The following TNFRSF10B variants were observed in gnomAD, a reference collection of about 807,000 sequenced individuals.
TNFRSF10B encodes tumor necrosis factor receptor superfamily member 10B.
In TNFRSF10B, 35 loss-of-function variants were observed where a neutral mutation model predicts 41.4. That is an observed-to-expected ratio of 0.85 (90% CI 0.65 to 1.12). The LOEUF (loss-of-function observed/expected upper bound fraction) is 1.12, where lower values mean the gene tolerates loss of function less well. Among genes scored for constraint, TNFRSF10B ranks in the 50% most tolerant of loss-of-function variants. The pLI is 0.00. For synonymous variants in TNFRSF10B, 230 were observed against 215.5 expected, an observed-to-expected ratio of 1.07 and a Z score of -0.59; for missense variants, 584 against 552.7, an observed-to-expected ratio of 1.06 and a Z score of -0.57.
At chr8:23,060,555 T>G (rs966320300) in intron 1 of TNFRSF10B, among the ~76,000 whole-genome samples, 1 of 152,234 alleles carries the variant, frequency 6.6e-6, no homozygotes, top group African/African-American at 2.4e-5. Context: ...TTGTAGGAAG[T>G]TTTGAAAATC....
intron 2 of TNFRSF10B, among the ~76,000 whole-genome samples, chr8:23,033,464 G>A (rs1016363181): frequency 2.6e-4 from 39 of 151,902 alleles, no homozygotes; most frequent in Middle Eastern, 3.4e-3. Flanking sequence ...GCGGGCGCCT[G>A]TAGTCCCAGC....
rs1585209055 is a variant in TNFRSF10B, at chr8:23,030,546, A to C, written c.364+213T>G. Among the ~76,000 whole-genome samples, 2 of 152,158 alleles carry C rather than the reference A, an allele frequency of 1.3e-5. 1 individual carries two copies. Among genetic ancestry groups the C allele is most frequent in the Admixed American group, 1.3e-4 (2 of 15,260 alleles). The stretch of plus-strand genomic sequence containing the variant: ...GGATGGTTTCAAACTCCTGGGCTCA[A>C]GTGATGCCTCCCAAAGTGTTGAGAT... On this transcript the variant is annotated intron_variant, in intron 3 of 8. Coordinates refer to ENST00000276431, the MANE Select transcript of TNFRSF10B (RefSeq NM_003842.5).
Position 23,021,473 on chromosome 8 carries a change from G to C in TNFRSF10B, c.*1198C>G, listed in dbSNP as rs772647084. ...CCCCTTGATGCCATGGCAGACGTGG[G>C]AGACAGATTTTGTCTTCTATCTCCT... On this transcript the variant is annotated 3_prime_UTR_variant, in exon 9 of 9. Coordinates refer to ENST00000276431, the MANE Select transcript of TNFRSF10B (RefSeq NM_003842.5). The C allele has an allele frequency of 2.2e-6, 1 of 453,982 alleles. No individual in the cohort carries two copies. The highest frequency in any genetic ancestry group is 2.0e-5 in the African/African-American group (1 of 49,986). 28.1% of individuals were successfully genotyped at this position (453,982 alleles called of 1,614,324 possible). A position where few individuals can be genotyped will look rare whatever the true frequency, so the allele number is the denominator to read the frequency against.
Position 23,064,854 on chromosome 8 carries a change from A to G in TNFRSF10B, c.144+3897T>C, listed in dbSNP as rs557469736. ...TTAATATGTATGGAAAGTGCTTAAAACACAGAACTTTAAACACATGCTCTG... is the reference window on the plus strand; with the variant it reads ...TTAATATGTATGGAAAGTGCTTAAAGCACAGAACTTTAAACACATGCTCTG... On this transcript the variant is annotated intron_variant, in intron 1 of 8. Transcript: ENST00000276431. Among the ~76,000 whole-genome samples the G allele has an allele frequency of 5.9e-5, 9 of 152,352 alleles. No individual in the cohort carries two copies. In the East Asian group the frequency reaches 1.4e-3, roughly 23 times the overall value.
intron 8 of TNFRSF10B, among the ~76,000 whole-genome samples, chr8:23,023,265 G>A (rs1351046324): frequency 6.6e-6 from 1 of 152,216 alleles, no homozygotes; most frequent in East Asian, 1.9e-4. Context: ...CGTTACAGAG[G>A]CAGAAAGTAA....
chr8:23,050,795 C>T (rs1251029520), intron 1 of TNFRSF10B, among the ~76,000 whole-genome samples: 2 of 152,092 alleles, frequency 1.3e-5, no homozygotes, highest in African/African-American at 2.4e-5. Context: ...CAGTTAAGGC[C>T]GGGCGTGGTG....
chr8:23,047,587 G>C (rs1812400266), intron 1 of TNFRSF10B, among the ~76,000 whole-genome samples: 3 of 151,292 alleles, frequency 2.0e-5, no homozygotes, highest in Non-Finnish European at 4.4e-5. Context: ...ATGGTCAACA[G>C]ATATTTGAAA....
intron 2 of TNFRSF10B, among the ~76,000 whole-genome samples, chr8:23,038,626 G>A (rs903101096): frequency 2.6e-5 from 4 of 152,188 alleles, no homozygotes; most frequent in African/African-American, 9.7e-5. Flanking sequence ...ATCAAGGAAA[G>A]GAGTAAACAC....
chr8:23,062,688 T>C (rs886256310), intron 1 of TNFRSF10B, among the ~76,000 whole-genome samples: 1 of 152,242 alleles, frequency 6.6e-6, no homozygotes, highest in African/African-American at 2.4e-5. Flanking sequence ...TGGCTATAAA[T>C]ATCATAGATG....
rs141861091 is a variant in TNFRSF10B at position 23,054,114 on chromosome 8, G to A, written c.145-10871C>T. Among the ~76,000 whole-genome samples the A allele has an allele frequency of 3.9e-3, 596 of 152,286 alleles. 5 individuals carry two copies. The highest frequency in any genetic ancestry group is 0.014 in the African/African-American group (570 of 41,560). On this transcript the variant is annotated intron_variant, in intron 1 of 8. Transcript: ENST00000276431. ...TTAGAAGGTGGTTTTATAATCAGCT[G>A]TAAAGCTCTAACAGGTGCTCTTGAA...
intron 1 of TNFRSF10B, among the ~76,000 whole-genome samples, chr8:23,055,520 T>TAAAAAAAAA (rs1812637974): frequency 2.3e-5 from 1 of 43,476 alleles, no homozygotes; most frequent in African/African-American, 6.3e-5. Context: ...TATTAAATGC[T>TAAAAAAAAA]TAAAAAAAAA....
chr8:23,033,544 C>T (rs1309806988), intron 2 of TNFRSF10B, among the ~76,000 whole-genome samples: 1 of 123,856 alleles, frequency 8.1e-6, no homozygotes, highest in Non-Finnish European at 1.6e-5. Flanking sequence ...GCCGAGATTA[C>T]GCCACTGCAC....
At chr8:23,036,235 T>C (rs576307571) in intron 2 of TNFRSF10B, among the ~76,000 whole-genome samples, 1 of 152,234 alleles carries the variant, frequency 6.6e-6, no homozygotes, top group East Asian at 1.9e-4. Flanking sequence ...AGCCATAAGT[T>C]TGGGCACATA....
At chr8:23,027,084 C>A in intron 7 of TNFRSF10B, 49 bp downstream of exon 7, 1 of 1,612,610 alleles carries the variant, frequency 6.2e-7, no homozygotes, top group Non-Finnish European at 8.5e-7. Flanking sequence ...TCTACGAAAT[C>A]CCAGGTGAGC....
At chr8:23,039,216 C>G (rs1016920295) in intron 2 of TNFRSF10B, among the ~76,000 whole-genome samples, 4 of 152,050 alleles carry the variant, frequency 2.6e-5, no homozygotes, top group African/African-American at 7.2e-5. Context: ...GGCAGTAATG[C>G]TCACTCATCT....
At chr8:23,034,136 A>G (rs556479001) in intron 2 of TNFRSF10B, among the ~76,000 whole-genome samples, 3 of 152,234 alleles carry the variant, frequency 2.0e-5, no homozygotes, top group Non-Finnish European at 4.4e-5. Flanking sequence ...GTGATCTATA[A>G]CAACAAGATG....
In TNFRSF10B at chr8:23,027,126, C is replaced by T. The variant is rs1411338531; in HGVS notation, c.936+7G>A. ...CCAGGAAACAAAATGATCTGTCCCC[C>T]ACTCACCAGCAGATGCTCTGACTCC... On this transcript the variant is annotated splice_region_variant and intron_variant, in intron 7 of 8. Transcript: ENST00000276431. 1 of 1,613,920 alleles carries T rather than the reference C, an allele frequency of 6.2e-7. No individual in the cohort carries two copies. The highest frequency in any genetic ancestry group is 8.5e-7 in the Non-Finnish European group (1 of 1,180,016).
chr8:23,036,445 A>G (rs1812032696), intron 2 of TNFRSF10B, among the ~76,000 whole-genome samples: 1 of 152,022 alleles, frequency 6.6e-6, no homozygotes, highest in African/African-American at 2.4e-5. Flanking sequence ...AGTTGCCAGA[A>G]GAAGGTTTAC....
intron 2 of TNFRSF10B, among the ~76,000 whole-genome samples, chr8:23,031,312 A>G (rs1362026579): frequency 6.6e-6 from 1 of 152,044 alleles, no homozygotes; most frequent in Non-Finnish European, 1.5e-5. Flanking sequence ...TCCTGACCTC[A>G]TGATCTGCCT....
Sources: gnomAD v4.1 joint callset for allele counts (sites outside exome capture counted in the v4.1 genomes callset) on GRCh38, gnomAD v4.1.1 for gene constraint, MANE v1.5 for transcripts, NCBI Gene and HGNC (gene_info 2026-07-23, HGNC 2026-07-21) for gene names.